The following PTPN13 variants were observed in gnomAD, a reference collection of about 807,000 sequenced individuals.
PTPN13 encodes the protein protein tyrosine phosphatase non-receptor type 13, also known as tyrosine-protein phosphatase non-receptor type 13.
PTPN13 carries 191 observed loss-of-function variants against 284.0 expected under a neutral mutation model. The observed-to-expected ratio is 0.67, with a 90% CI of 0.60 to 0.76. PTPN13 has a LOEUF of 0.76. PTPN13 is among the 30% of genes least tolerant of loss of function. The pLI is 0.00. For missense variants in PTPN13, 2,797 were observed against 2,939.9 expected, an observed-to-expected ratio of 0.95 and a Z score of 1.12; for synonymous variants, 986 against 1,022.3, an observed-to-expected ratio of 0.96 and a Z score of 0.68.
At chr4:86,611,136 G>A (rs111228236) in intron 1 of PTPN13, among the ~76,000 whole-genome samples, 2 of 151,922 alleles carry the variant, frequency 1.3e-5, no homozygotes, top group African/African-American at 4.8e-5. Flanking sequence ...CTTCTCCCAC[G>A]ATTATTATTT....
chr4:86,810,430 A>T, intron 46 of PTPN13, among the ~76,000 whole-genome samples: 1 of 150,760 alleles, frequency 6.6e-6, no homozygotes, highest in Middle Eastern at 3.2e-3. Context: ...AATGCTAAGT[A>T]GTTTCTAAAC....
chr4:86,747,793 G>A (rs1322810033), intron 17 of PTPN13, among the ~76,000 whole-genome samples: 1 of 152,170 alleles, frequency 6.6e-6, no homozygotes, highest in Admixed American at 6.5e-5. Flanking sequence ...TGGCTTATAA[G>A]TAACTGTCTG....
At chr4:86,763,278 T>C (rs1738917499) in intron 24 of PTPN13, 88 bp downstream of exon 24, 2 of 1,095,312 alleles carry the variant, frequency 1.8e-6, no homozygotes, top group South Asian at 1.5e-5. Context: ...ATCTACAAGA[T>C]GCTTTCATTA....
At position 86,701,236 on chromosome 4, in the gene PTPN13, T is replaced by C. The variant is rs763809719; in HGVS notation, c.635-5T>C. The stretch of plus-strand genomic sequence containing the variant: ...TGCATACATGATAGATTCTTATCAT[T>C]CCAGGAAGAAGCTCTACTTCTGATG... On this transcript the variant is annotated splice_region_variant and splice_polypyrimidine_tract_variant and intron_variant, in intron 6 of 47. Coordinates refer to ENST00000411767, the MANE Select transcript of PTPN13 (RefSeq NM_080683.3). The C allele has an allele frequency of 1.9e-6, 3 of 1,538,558 alleles. No individual in the cohort carries two copies. The highest frequency in any genetic ancestry group is 2.6e-6 in the Non-Finnish European group (3 of 1,144,406).
At chr4:86,746,951 CTCTT>C (rs1479645587) in intron 17 of PTPN13, among the ~76,000 whole-genome samples, 1 of 152,212 alleles carries the variant, frequency 6.6e-6, no homozygotes, top group African/African-American at 2.4e-5. Context: ...TATCATTATT[CTCTT>C]TCTGCTTTGC....
intron 43 of PTPN13, 75 bp downstream of exon 43, chr4:86,803,932 C>A: frequency 2.7e-6 from 4 of 1,483,622 alleles, no homozygotes; most frequent in East Asian, 2.3e-5. Context: ...TCTTTACTGG[C>A]CCAAGATTAG....
chr4:86,658,935 TAGCTAAG>T (rs1325819874), intron 2 of PTPN13, among the ~76,000 whole-genome samples: 1 of 152,126 alleles, frequency 6.6e-6, no homozygotes, highest in African/African-American at 2.4e-5. Context: ...AAAAAGGAAT[TAGCTAAG>T]AGCAGACTGA....
Position 86,782,746 on chromosome 4 carries a change from C to G in PTPN13, c.6024+484C>G, listed in dbSNP as rs149643726. On this transcript the variant is annotated intron_variant, in intron 37 of 47. Coordinates refer to ENST00000411767, the MANE Select transcript of PTPN13 (RefSeq NM_080683.3). ...TTGCTTTTGAAAGACTTAGAAAATG[C>G]TTTACCAAATGATTAAATGAGAGAG... Among the ~76,000 whole-genome samples the G allele has an allele frequency of 1.2e-4, 19 of 152,216 alleles. No individual in the cohort carries two copies. In the East Asian group the frequency reaches 3.7e-3, roughly 29 times the overall value.
intron 7 of PTPN13, among the ~76,000 whole-genome samples, chr4:86,713,879 C>G (rs1013853199): frequency 6.6e-6 from 1 of 152,014 alleles, no homozygotes; most frequent in African/African-American, 2.4e-5. Flanking sequence ...ACTTATTATT[C>G]TTTTTCTGTT....
At chr4:86,688,943 G>T in intron 4 of PTPN13, 62 bp from the exon 5 acceptor site, 1 of 1,320,162 alleles carries the variant, frequency 7.6e-7, no homozygotes, top group Non-Finnish European at 1.1e-6. Flanking sequence ...AGAATGATTT[G>T]TCTCATTAGA....
chr4:86,735,288 A>C (rs1735372430), intron 14 of PTPN13, among the ~76,000 whole-genome samples: 1 of 152,196 alleles, frequency 6.6e-6, no homozygotes, highest in Non-Finnish European at 1.5e-5. Flanking sequence ...AATTGATCTA[A>C]GAGGAAGCAA....
At chr4:86,694,437 G>A (rs144895459) in intron 6 of PTPN13, among the ~76,000 whole-genome samples, 11 of 151,090 alleles carry the variant, frequency 7.3e-5, no homozygotes, top group African/African-American at 2.2e-4. Context: ...AAAATTAGCC[G>A]GGCATGGTGG....
At chr4:86,641,784 T>A (rs923269108) in intron 2 of PTPN13, among the ~76,000 whole-genome samples, 3 of 152,234 alleles carry the variant, frequency 2.0e-5, no homozygotes, top group African/African-American at 7.2e-5. Context: ...CATGAGATAG[T>A]ATTTTTTGAG....
At chr4:86,789,459 A>G (rs1206855561) in intron 40 of PTPN13, among the ~76,000 whole-genome samples, 3 of 152,128 alleles carry the variant, frequency 2.0e-5, no homozygotes. Context: ...CCTACTCCTA[A>G]TATGCTATAG....
At chr4:86,730,289 C>T (rs964097524) in intron 10 of PTPN13, among the ~76,000 whole-genome samples, 3 of 149,724 alleles carry the variant, frequency 2.0e-5, no homozygotes, top group Admixed American at 6.7e-5. Context: ...GGTCATGGAC[C>T]CATTCTCAGA....
chr4:86,695,020 A>G lies in PTPN13; in HGVS notation c.634+1346A>G, dbSNP rs7668518. On this transcript the variant is annotated intron_variant, in intron 6 of 47. Coordinates refer to ENST00000411767, the MANE Select transcript of PTPN13 (RefSeq NM_080683.3). ...TGACTATCTGGACCAAATGTTTTAC[A>G]GAGTCAGAACTCTCATATCTGAGAG... Among the ~76,000 whole-genome samples the G allele has an allele frequency of 4.8e-3, 736 of 152,048 alleles. 3 individuals carry two copies. The highest frequency in any genetic ancestry group is 7.9e-3 in the Non-Finnish European group (536 of 67,792).
chr4:86,814,628 A>C lies in PTPN13; in HGVS notation c.*77A>C. The C allele has an allele frequency of 8.4e-7, 1 of 1,185,892 alleles. No homozygotes were observed. The highest frequency in any genetic ancestry group is 1.2e-6 in the Non-Finnish European group (1 of 814,136). 73.5% of individuals were successfully genotyped at this position (1,185,892 alleles called of 1,614,324 possible). A position where few individuals can be genotyped will look rare whatever the true frequency, so the allele number is the denominator to read the frequency against. On this transcript the variant is annotated 3_prime_UTR_variant, in exon 48 of 48. Transcript: ENST00000411767. ...GACTCCTGCTCTCTATCCAAAATAA[A>C]GATCACAGAGCAGCAAGTTCATACA...
At chr4:86,670,356 C>A (rs1444486345) in intron 2 of PTPN13, among the ~76,000 whole-genome samples, 1 of 151,028 alleles carries the variant, frequency 6.6e-6, no homozygotes, top group Non-Finnish European at 1.5e-5. Flanking sequence ...TTCCAAAGTT[C>A]TAATTCCTGC....
In PTPN13 at chr4:86,807,163, T is replaced by G. The variant is rs143682245; in HGVS notation, c.6746-397T>G. 1.4e-3 allele frequency among the ~76,000 whole-genome samples: 211 copies of G among 152,282 alleles called. 2 individuals carry two copies. Among genetic ancestry groups the G allele is most frequent in the African/African-American group, 4.8e-3 (200 of 41,580 alleles). On this transcript the variant is annotated intron_variant, in intron 44 of 47. Coordinates refer to ENST00000411767, the MANE Select transcript of PTPN13 (RefSeq NM_080683.3). Reference sequence around the variant, plus strand: ...TATGAAAAATTTTTTGGCATTGCCTTTCAGTGCTATTATTATTATCATCAT... The same window carrying G: ...TATGAAAAATTTTTTGGCATTGCCTGTCAGTGCTATTATTATTATCATCAT...
Sources: gnomAD v4.1 joint callset for allele counts (sites outside exome capture counted in the v4.1 genomes callset) on GRCh38, gnomAD v4.1.1 for gene constraint, MANE v1.5 for transcripts, NCBI Gene and HGNC (gene_info 2026-07-23, HGNC 2026-07-21) for gene names.